The following UNC5D variants were observed in gnomAD, a reference collection of about 807,000 sequenced individuals.
UNC5D encodes the protein netrin receptor UNC5D.
Under a neutral mutation model 105.4 loss-of-function variants are expected in UNC5D, and 39 were observed. The observed-to-expected ratio is 0.37, with a 90% confidence interval of 0.29 to 0.48. The LOEUF (loss-of-function observed/expected upper bound fraction) is 0.48, where lower values mean the gene tolerates loss of function less well. Ranked by LOEUF, UNC5D falls within the 20% of genes least tolerant of loss-of-function variation. UNC5D has a pLI of 0.98. For synonymous variants in UNC5D, 452 were observed against 450.4 expected (o/e 1.00, Z -0.04); for missense variants, 991 against 1,202.4 (o/e 0.82, Z 2.60).
At chr8:35,362,616 A>G (rs529817994) in intron 1 of UNC5D, among the ~76,000 whole-genome samples, 1 of 152,314 alleles carries the variant, frequency 6.6e-6, no homozygotes, top group South Asian at 2.1e-4. Flanking sequence ...CAGACTTACA[A>G]AACAGTTGCA....
At chr8:35,699,953 G>A (rs1385061123) in intron 7 of UNC5D, among the ~76,000 whole-genome samples, 1 of 152,158 alleles carries the variant, frequency 6.6e-6, no homozygotes, top group Non-Finnish European at 1.5e-5. Flanking sequence ...GTATACAAGA[G>A]TTGGAGCTTG....
intron 1 of UNC5D, among the ~76,000 whole-genome samples, chr8:35,273,788 T>G (rs574080847): frequency 2.0e-5 from 3 of 152,200 alleles, no homozygotes; most frequent in Non-Finnish European, 2.9e-5. Flanking sequence ...GCTTTTCCAG[T>G]AAGCTTGGGT....
At chr8:35,358,883 A>T (rs1232088771) in intron 1 of UNC5D, among the ~76,000 whole-genome samples, 1 of 152,214 alleles carries the variant, frequency 6.6e-6, no homozygotes, top group African/African-American at 2.4e-5. Context: ...ATATCACAGT[A>T]AGCTTTTATT....
intron 4 of UNC5D, among the ~76,000 whole-genome samples, chr8:35,656,504 A>G (rs1823747593): frequency 6.6e-6 from 1 of 152,170 alleles, no homozygotes; most frequent in African/African-American, 2.4e-5. Flanking sequence ...AGAGTTAAAC[A>G]CTTCACAGTG....
intron 4 of UNC5D, among the ~76,000 whole-genome samples, chr8:35,640,472 T>C (rs997158941): frequency 6.6e-6 from 1 of 152,178 alleles, no homozygotes; most frequent in African/African-American, 2.4e-5. Context: ...TGATGTTACG[T>C]AGACTGGGTA....
chr8:35,715,175 T>G (rs2131503579), intron 8 of UNC5D, among the ~76,000 whole-genome samples: 1 of 152,124 alleles, frequency 6.6e-6, no homozygotes, highest in South Asian at 2.1e-4. Context: ...AAAAAAAGAA[T>G]GAAGTAGGCA....
At chr8:35,735,527 A>G (rs1371941510) in intron 11 of UNC5D, among the ~76,000 whole-genome samples, 3 of 152,226 alleles carry the variant, frequency 2.0e-5, no homozygotes, top group Admixed American at 6.5e-5. Context: ...CAGTAAGTAC[A>G]TTTTGGGGTA....
rs1809522965 is a variant in UNC5D, at chr8:35,469,103, C to T, written c.104-80189C>T. On this transcript the variant is annotated intron_variant, in intron 1 of 16. Transcript: ENST00000404895. ...AGGACTCTTGTGATATAACAGGAGGCATCAACCTATTCTCATCAAAGAGAA... is the reference window on the plus strand; with the variant it reads ...AGGACTCTTGTGATATAACAGGAGGTATCAACCTATTCTCATCAAAGAGAA... Among the ~76,000 whole-genome samples the T allele has an allele frequency of 2.0e-5, 3 of 152,290 alleles. No individual in the cohort carries two copies. The South Asian group carries it at 6.2e-4, about 32-fold the overall frequency.
intron 1 of UNC5D, among the ~76,000 whole-genome samples, chr8:35,284,695 C>T (rs1270891185): frequency 6.6e-6 from 1 of 152,096 alleles, no homozygotes; most frequent in Non-Finnish European, 1.5e-5. Flanking sequence ...GCTGATACTA[C>T]AGGCACCCAC....
intron 1 of UNC5D, among the ~76,000 whole-genome samples, chr8:35,399,925 A>G (rs1804346942): frequency 6.6e-6 from 1 of 152,188 alleles, no homozygotes; most frequent in Admixed American, 6.5e-5. Context: ...GACTGTAATC[A>G]GCTTGGTGAC....
intron 1 of UNC5D, among the ~76,000 whole-genome samples, chr8:35,541,528 C>G (rs1815274775): frequency 6.6e-6 from 1 of 152,186 alleles, no homozygotes; most frequent in Non-Finnish European, 1.5e-5. Flanking sequence ...CTTTTAATCT[C>G]TGCACATGGC....
chr8:35,727,958 A>T (rs1373348781), intron 10 of UNC5D: 1 of 150,680 alleles, frequency 6.6e-6, no homozygotes, highest in East Asian at 2.0e-4. Flanking sequence ...AAAATTTGGC[A>T]GGGTGTAGTG....
intron 1 of UNC5D, among the ~76,000 whole-genome samples, chr8:35,277,611 G>A (rs1439313142): frequency 2.0e-5 from 3 of 152,092 alleles, no homozygotes; most frequent in Middle Eastern, 3.4e-3. Flanking sequence ...CCTGACTGCC[G>A]CTCACGGCCC....
chr8:35,298,625 G>C (rs1356456476), intron 1 of UNC5D, among the ~76,000 whole-genome samples: 3 of 149,764 alleles, frequency 2.0e-5, no homozygotes, highest in African/African-American at 7.4e-5. Flanking sequence ...GCAAGGCGGG[G>C]AGAAGGGCTG....
At position 35,624,131 on chromosome 8, in the gene UNC5D, T is replaced by C. The variant is rs10109360; in HGVS notation, c.570+28474T>C. The stretch of plus-strand genomic sequence containing the variant: ...TATTTTTCCTGTTTCTCTACAAAGC[T>C]AAAAAAGTCATCACAGATCACGCAT... On this transcript the variant is annotated intron_variant, in intron 4 of 16. Transcript: ENST00000404895. Among the ~76,000 whole-genome samples the C allele has an allele frequency of 6.3e-3, 962 of 152,210 alleles. 8 individuals carry two copies. Among genetic ancestry groups the C allele is most frequent in the African/African-American group, 0.021 (862 of 41,520 alleles).
intron 12 of UNC5D, among the ~76,000 whole-genome samples, chr8:35,749,111 G>A (rs1450942064): frequency 6.6e-6 from 1 of 152,070 alleles, no homozygotes; most frequent in Non-Finnish European, 1.5e-5. Flanking sequence ...TTCCATCCTG[G>A]GGATTCTAAG....
chr8:35,640,515 G>A (rs888842957), intron 4 of UNC5D, among the ~76,000 whole-genome samples: 1 of 152,138 alleles, frequency 6.6e-6, no homozygotes, highest in Non-Finnish European at 1.5e-5. Flanking sequence ...TTGAAGGGAT[G>A]ATATAAAGCT....
At chr8:35,720,237 T>C (rs531976480) in intron 8 of UNC5D, among the ~76,000 whole-genome samples, 2 of 152,342 alleles carry the variant, frequency 1.3e-5, no homozygotes, top group South Asian at 2.1e-4. Context: ...TCCTGGCTTC[T>C]GGTCCTTCCT....
chr8:35,421,747 A>G (rs1188306869), intron 1 of UNC5D, among the ~76,000 whole-genome samples: 6 of 152,204 alleles, frequency 3.9e-5, no homozygotes, highest in Admixed American at 6.5e-5. Context: ...TTTATGAAAA[A>G]ATAGGAATAG....
Sources: allele counts gnomAD v4.1 joint callset (sites outside exome capture counted in the v4.1 genomes callset), GRCh38; gene constraint gnomAD v4.1.1; transcripts MANE v1.5; gene names NCBI Gene and HGNC (gene_info 2026-07-23, HGNC 2026-07-21).